SV2B: variants seen among roughly 807,000 people sequenced by gnomAD.
SV2B encodes solute carrier family 22 member B2.
A neutral mutation model predicts 73.9 loss-of-function variants in SV2B; 41 were observed. That is an observed-to-expected ratio of 0.56 (90% confidence interval 0.43 to 0.72). The LOEUF (loss-of-function observed/expected upper bound fraction) is 0.72. SV2B is among the 30% of genes least tolerant of loss of function. The probability of loss-of-function intolerance (pLI) is 0.00; values close to 1 mark genes in which losing one functional copy is unlikely to be tolerated. For synonymous variants in SV2B, 314 were observed against 314.2 expected (o/e 1.00, Z 0.01); for missense variants, 764 against 857.8 (o/e 0.89, Z 1.37).
At chr15:91,275,843 T>C (rs1451692473) in intron 9 of SV2B, among the ~76,000 whole-genome samples, 1 of 151,992 alleles carries the variant, frequency 6.6e-6, no homozygotes, top group Non-Finnish European at 1.5e-5. Context: ...AAGAGGAAAA[T>C]GTACTTAACC....
At chr15:91,125,948 G>C (rs1297792210) in intron 1 of SV2B, among the ~76,000 whole-genome samples, 1 of 152,052 alleles carries the variant, frequency 6.6e-6, no homozygotes, top group Non-Finnish European at 1.5e-5. Context: ...TGATGATGAT[G>C]ATGATAGTTG....
In SV2B at chr15:91,118,677, C is replaced by T. The variant is rs2042244332; in HGVS notation, c.-392+18314C>T. On this transcript the variant is annotated intron_variant, in intron 1 of 12. Coordinates refer to ENST00000394232, the MANE Select transcript of SV2B (RefSeq NM_001323032.3). The surrounding 1 kb of genome is among the most constrained non-coding windows in gnomAD (Gnocchi z 4.7). ...AAGAGGGCCGAGGTGAGGCTGAACA[C>T]TGTCTCAAGAAAACTTTATACACAG... 6.6e-6 allele frequency among the ~76,000 whole-genome samples: 1 copy of T among 152,166 alleles called. No individual in the cohort carries two copies. The highest frequency in any genetic ancestry group is 2.4e-5 in the African/African-American group (1 of 41,442).
chr15:91,108,308 C>T (rs2041945649), intron 1 of SV2B, among the ~76,000 whole-genome samples: 1 of 152,214 alleles, frequency 6.6e-6, no homozygotes, highest in Admixed American at 6.5e-5. Flanking sequence ...AACCTCCCTT[C>T]TCTGCAATAA....
chr15:91,153,436 G>A (rs1206395163), intron 1 of SV2B, among the ~76,000 whole-genome samples: 1 of 152,126 alleles, frequency 6.6e-6, no homozygotes, highest in Non-Finnish European at 1.5e-5. Flanking sequence ...CACGTTTTAG[G>A]TCTGTGACCT....
rs145506248 is a variant in SV2B at position 91,142,583 on chromosome 15, C to G, written c.-392+42220C>G. Among the ~76,000 whole-genome samples, 1,179 of 152,184 alleles carry G rather than the reference C, an allele frequency of 7.7e-3. 17 individuals carry two copies. The highest frequency in any genetic ancestry group is 0.027 in the African/African-American group (1,137 of 41,514). On this transcript the variant is annotated intron_variant, in intron 1 of 12. Transcript: ENST00000394232. ...AAATTGATCATAGAAGAAAAACAAA[C>G]AGAAGGGGAAGGAAGGGAACTAACA...
At position 91,118,453 on chromosome 15, in the gene SV2B, A is replaced by G. The variant is rs1187917009; in HGVS notation, c.-392+18090A>G. Among the ~76,000 whole-genome samples, 1 of 152,150 alleles carries G rather than the reference A, an allele frequency of 6.6e-6. No individual in the cohort carries two copies. The highest frequency in any genetic ancestry group is 2.1e-4 in the South Asian group (1 of 4,834). On this transcript the variant is annotated intron_variant, in intron 1 of 12. Transcript: ENST00000394232. The surrounding 1 kb of genome is among the most constrained non-coding windows in gnomAD (Gnocchi z 4.7). The stretch of plus-strand genomic sequence containing the variant: ...AAGAAAAGAACATTTTTTCCTTTGC[A>G]TTCATTGAGGGCTTGGGAAGGTACA...
At chr15:91,112,820 A>G (rs372002749) in intron 1 of SV2B, among the ~76,000 whole-genome samples, 6 of 152,094 alleles carry the variant, frequency 3.9e-5, no homozygotes, top group African/African-American at 1.4e-4. Flanking sequence ...TTTGAATTCT[A>G]TTCTTTCTCT....
At chr15:91,184,777 C>A (rs1007826716) in intron 1 of SV2B, among the ~76,000 whole-genome samples, 1 of 152,180 alleles carries the variant, frequency 6.6e-6, no homozygotes, top group African/African-American at 2.4e-5. Context: ...CCATCAGATG[C>A]AATTGACCTT....
At chr15:91,107,297 G>GTTTGTTTATTTATTTA (rs140617996) in intron 1 of SV2B, among the ~76,000 whole-genome samples, 7,203 of 145,762 alleles carry the variant, frequency 0.049, 217 homozygotes, top group East Asian at 0.086. Context: ...TTATTTGTTT[G>GTTTGTTTATTTATTTA]TTTATTTATT....
intron 2 of SV2B, among the ~76,000 whole-genome samples, chr15:91,251,062 CTG>C (rs1041460849): frequency 7.2e-5 from 11 of 152,096 alleles, no homozygotes; most frequent in African/African-American, 2.7e-4. Flanking sequence ...TACTACAAAA[CTG>C]TAGTAATTTA....
In SV2B at chr15:91,288,479, TGTA is replaced by T. The variant is rs1262874180; in HGVS notation, c.1709-1037_1709-1035del. 1.3e-5 allele frequency among the ~76,000 whole-genome samples: 2 copies of T among 152,098 alleles called. No individual in the cohort carries two copies. The highest frequency in any genetic ancestry group is 4.8e-5 in the African/African-American group (2 of 41,396). On this transcript the variant is annotated intron_variant, in intron 11 of 12. Transcript: ENST00000394232. This position sits in a 1 kb window ranked among gnomAD's most constrained non-coding sequence, Gnocchi z 5.8. The stretch of plus-strand genomic sequence containing the variant: ...GTTAGTAACTGTAGTCACCGTGCTG[TGTA>T]GTAGATCTCGAAAAGTGAGATGATG...
chr15:91,254,698 T>G (rs2047618747), intron 4 of SV2B, among the ~76,000 whole-genome samples: 1 of 152,052 alleles, frequency 6.6e-6, no homozygotes, highest in Non-Finnish European at 1.5e-5. Flanking sequence ...AGGGGAGAAG[T>G]GACACAAAAA....
At position 91,268,533 on chromosome 15, in the gene SV2B, A is replaced by C; in HGVS notation, c.1301A>C (p.His434Pro). Residue 434 changes from histidine to proline, a missense_variant, in exon 9 of 13, where the codon CAT (histidine) becomes CCT (proline). By Grantham distance (77) the His-to-Pro change is moderately conservative (BLOSUM62 -2). Transcript: ENST00000394232. The surrounding 1 kb of genome is among the most constrained non-coding windows in gnomAD (Gnocchi z 4.4). Reference protein sequence around the residue: ...KSKMKVFFGEHVYGATINFTM... With the variant: ...KSKMKVFFGEPVYGATINFTM... The stretch of plus-strand genomic sequence containing the variant: ...AAAATGAAGGTGTTTTTTGGTGAGC[A>C]TGTGTACGGCGCCACAATCAACTTC... 3 of 1,614,110 alleles carry C rather than the reference A, an allele frequency of 1.9e-6. No individual in the cohort carries two copies. Among genetic ancestry groups the C allele is most frequent in the Non-Finnish European group, 2.5e-6 (3 of 1,179,972 alleles).
intron 1 of SV2B, among the ~76,000 whole-genome samples, chr15:91,138,983 A>G (rs2042924708): frequency 6.6e-6 from 1 of 152,286 alleles, no homozygotes; most frequent in African/African-American, 2.4e-5. Context: ...TGTTTCAACA[A>G]TTAAACCAGT....
intron 1 of SV2B, among the ~76,000 whole-genome samples, chr15:91,117,642 T>C (rs2042218385): frequency 1.3e-5 from 2 of 152,226 alleles, no homozygotes; most frequent in South Asian, 4.1e-4. Flanking sequence ...AATGTTAAAC[T>C]GTCCTAGTAT....
At chr15:91,150,017 T>C (rs1346975295) in intron 1 of SV2B, among the ~76,000 whole-genome samples, 1 of 152,170 alleles carries the variant, frequency 6.6e-6, no homozygotes, top group African/African-American at 2.4e-5. Flanking sequence ...TTTATTTGTT[T>C]ATTTTTTGAC....
At chr15:91,210,304 C>T (rs140123972) in intron 1 of SV2B, among the ~76,000 whole-genome samples, 369 of 151,872 alleles carry the variant, frequency 2.4e-3, no homozygotes, top group Middle Eastern at 0.014. Flanking sequence ...GAGGTGGAGC[C>T]GTAACTGGGC....
chr15:91,196,732 A>C (rs977952568), intron 1 of SV2B, among the ~76,000 whole-genome samples: 2 of 152,228 alleles, frequency 1.3e-5, no homozygotes, highest in Non-Finnish European at 2.9e-5. Flanking sequence ...ATGTGAAGCA[A>C]ATTTTTTGCT....
chr15:91,151,977 T>C (rs961489926), intron 1 of SV2B, among the ~76,000 whole-genome samples: 4 of 152,200 alleles, frequency 2.6e-5, no homozygotes, highest in African/African-American at 9.6e-5. Flanking sequence ...CATTTCCTGG[T>C]ATACTTTGCA....
Sources: allele counts gnomAD v4.1 joint callset (sites outside exome capture counted in the v4.1 genomes callset), GRCh38; gene constraint gnomAD v4.1.1; non-coding constraint Gnocchi (gnomAD v3.1); transcripts MANE v1.5; gene names NCBI Gene and HGNC (gene_info 2026-07-23, HGNC 2026-07-21).